The following SENP5 variants were observed in gnomAD, a reference collection of about 807,000 sequenced individuals.
SENP5 encodes sentrin-specific protease 5.
In SENP5, 21 loss-of-function variants were observed where a neutral mutation model predicts 74.2. The ratio of observed to expected loss-of-function variants is 0.28; its 90% confidence interval spans 0.20 to 0.41. SENP5 has a LOEUF of 0.41. SENP5 is among the 10% of genes least tolerant of loss of function. The probability of loss-of-function intolerance (pLI) is 1.00; values close to 1 mark genes in which losing one functional copy is unlikely to be tolerated. For synonymous variants in SENP5, 311 were observed against 312.7 expected, an observed-to-expected ratio of 0.99 and a Z score of 0.06; for missense variants, 717 against 889.1, an observed-to-expected ratio of 0.81 and a Z score of 2.46.
chr3:196,875,217 A>G (rs990627208), intron 1 of SENP5, among the ~76,000 whole-genome samples: 1 of 152,198 alleles, frequency 6.6e-6, no homozygotes, highest in African/African-American at 2.4e-5. Context: ...TACCCCCAAC[A>G]GATAGGCTTT....
chr3:196,888,490 G>A (rs1577805834), intron 2 of SENP5, among the ~76,000 whole-genome samples: 1 of 151,924 alleles, frequency 6.6e-6, no homozygotes, highest in Non-Finnish European at 1.5e-5. Flanking sequence ...GGCTGAGGCA[G>A]GGAGAATCGC....
At chr3:196,919,806 G>A (rs1347082628) in intron 6 of SENP5, among the ~76,000 whole-genome samples, 1 of 150,446 alleles carries the variant, frequency 6.6e-6, no homozygotes, top group Non-Finnish European at 1.5e-5. Flanking sequence ...AAAAAAAAAA[G>A]GGAGGGATCA....
chr3:196,885,056 CTTTT>C (rs1010891289), intron 1 of SENP5, 91 bp from the exon 2 acceptor site: 1 of 687,952 alleles, frequency 1.5e-6, no homozygotes, highest in Non-Finnish European at 2.4e-6. Context: ...TATATGTACT[CTTTT>C]TTTTTCTCAA....
chr3:196,914,915 C>A (rs1371903017), intron 6 of SENP5, among the ~76,000 whole-genome samples: 1 of 152,086 alleles, frequency 6.6e-6, no homozygotes, highest in Non-Finnish European at 1.5e-5. Context: ...GAGATAGAAT[C>A]TGTGTGCTTG....
At chr3:196,922,371 G>A (rs1715653563) in intron 6 of SENP5, among the ~76,000 whole-genome samples, 1 of 152,178 alleles carries the variant, frequency 6.6e-6, no homozygotes, top group African/African-American at 2.4e-5. Context: ...GATCTTAACT[G>A]CTGCTTATAT....
chr3:196,870,743 C>T (rs773465729), intron 1 of SENP5, among the ~76,000 whole-genome samples: 4 of 151,876 alleles, frequency 2.6e-5, no homozygotes, highest in Admixed American at 2.6e-4. Context: ...GTCTTGAACT[C>T]CTGACCTCAA....
At chr3:196,899,858 T>C (rs1714623058) in intron 3 of SENP5, 66 bp from the exon 4 acceptor site, 8 of 1,581,660 alleles carry the variant, frequency 5.1e-6, no homozygotes, top group Non-Finnish European at 6.0e-6. Context: ...AGAAAAGATA[T>C]TTAGCAGTAA....
chr3:196,916,022 G>A (rs1715359011), intron 6 of SENP5, among the ~76,000 whole-genome samples: 1 of 152,116 alleles, frequency 6.6e-6, no homozygotes, highest in African/African-American at 2.4e-5. Flanking sequence ...AACACCTGCA[G>A]GCATCAAGAA....
intron 2 of SENP5, among the ~76,000 whole-genome samples, chr3:196,891,424 G>C (rs1042135867): frequency 2.6e-5 from 4 of 152,002 alleles, no homozygotes; most frequent in Middle Eastern, 3.2e-3. Flanking sequence ...TCTTTAATGG[G>C]GCAAATTTTG....
At position 196,886,418 on chromosome 3, in the gene SENP5, C is replaced by A; in HGVS notation, c.1237C>A (p.Leu413Met). 6.2e-7 allele frequency: 1 copy of A among 1,611,562 alleles called. No individual in the cohort carries two copies. Among genetic ancestry groups the A allele is most frequent in the Non-Finnish European group, 8.5e-7 (1 of 1,178,386 alleles). ...TSSVSDDRVK[L>M]SVSGADTSVS... Reference sequence around the variant, plus strand: ...TTCTGTCAGTGATGACAGAGTAAAACTGTCAGTGTCTGGAGCAGATACATC... The same window carrying A: ...TTCTGTCAGTGATGACAGAGTAAAAATGTCAGTGTCTGGAGCAGATACATC... Residue 413 changes from leucine (L) to methionine (M), a missense_variant, in exon 2 of 10, where the codon CTG (leucine) becomes ATG (methionine). Leu to Met is a conservative substitution (Grantham distance 15). Transcript: ENST00000323460.
At chr3:196,877,720 C>CT (rs1713542498) in intron 1 of SENP5, among the ~76,000 whole-genome samples, 1 of 152,216 alleles carries the variant, frequency 6.6e-6, no homozygotes, top group East Asian at 1.9e-4. Context: ...TAGAAGATTA[C>CT]TTTTTCCCTG....
Position 196,883,536 on chromosome 3 carries a change from C to T in SENP5, c.-31-1615C>T, listed in dbSNP as rs572729900. On this transcript the variant is annotated intron_variant, in intron 1 of 9. Transcript: ENST00000323460. The stretch of plus-strand genomic sequence containing the variant: ...CCTCAGAAAGTGAAACTTTCATCAT[C>T]TGCCACGGTAGGAGATGGTATCTAG... Among the ~76,000 whole-genome samples the T allele has an allele frequency of 2.3e-3, 349 of 152,308 alleles. 2 individuals are homozygous for T. Among genetic ancestry groups the T allele is most frequent in the African/African-American group, 7.8e-3 (325 of 41,562 alleles).
At chr3:196,918,293 C>T (rs1236320898) in intron 6 of SENP5, among the ~76,000 whole-genome samples, 5 of 134,926 alleles carry the variant, frequency 3.7e-5, no homozygotes, top group South Asian at 2.2e-4. Context: ...GGCGACAGAA[C>T]GAGACTCTGT....
chr3:196,877,562 A>G (rs1713534152), intron 1 of SENP5, among the ~76,000 whole-genome samples: 1 of 152,138 alleles, frequency 6.6e-6, no homozygotes. Flanking sequence ...CTCTAAATTG[A>G]TATTTGCACA....
At chr3:196,929,987 TAAA>T (rs76093991) in intron 9 of SENP5, among the ~76,000 whole-genome samples, 2 of 136,620 alleles carry the variant, frequency 1.5e-5, no homozygotes, top group Non-Finnish European at 3.2e-5. Context: ...GGCATTTGCA[TAAA>T]AAAAAAAAAA....
intron 6 of SENP5, among the ~76,000 whole-genome samples, chr3:196,918,441 T>G (rs1715476292): frequency 6.6e-6 from 1 of 151,128 alleles, no homozygotes; most frequent in Non-Finnish European, 1.5e-5. Flanking sequence ...AATAGTTGTT[T>G]ATAAGATGTT....
At position 196,931,338 on chromosome 3, in the gene SENP5, A is replaced by G. The variant is rs181745879; in HGVS notation, c.*415A>G. The G allele has an allele frequency of 2.2e-4, 37 of 167,680 alleles. No individual in the cohort carries two copies. The East Asian group carries it at 5.3e-3, about 24-fold the overall frequency. The allele number at this position is 167,680 out of a possible 1,614,324, so 10.4% of individuals were successfully genotyped here. A position where few individuals can be genotyped will look rare whatever the true frequency, so the allele number is the denominator to read the frequency against. On this transcript the variant is annotated 3_prime_UTR_variant, in exon 10 of 10. Transcript: ENST00000323460. ...ATGTTTTTGATACAACATAACTCTG[A>G]GAATAGTAAGTGTTCCCTGGGGCAT...
intron 7 of SENP5, among the ~76,000 whole-genome samples, chr3:196,926,665 G>A (rs559234890): frequency 5.0e-4 from 68 of 134,934 alleles, no homozygotes; most frequent in Admixed American, 4.6e-3. Context: ...TTGAGTCAGA[G>A]TCTCACTCTG....
At chr3:196,872,525 AT>A (rs893841903) in intron 1 of SENP5, among the ~76,000 whole-genome samples, 1 of 152,026 alleles carries the variant, frequency 6.6e-6, no homozygotes, top group African/African-American at 2.4e-5. Flanking sequence ...TAACTCAACT[AT>A]TTTCAGTAAG....
Sources: gnomAD v4.1 joint callset for allele counts (sites outside exome capture counted in the v4.1 genomes callset) on GRCh38, gnomAD v4.1.1 for gene constraint, MANE v1.5 for transcripts, NCBI Gene and HGNC (gene_info 2026-07-23, HGNC 2026-07-21) for gene names.